The following NDUFB4 variants were observed in gnomAD, a reference collection of about 807,000 sequenced individuals.
NDUFB4 encodes the protein NADH dehydrogenase [ubiquinone] 1 beta subcomplex subunit 4.
NDUFB4 carries 10 observed loss-of-function variants against 14.5 expected under a neutral mutation model. That is an observed-to-expected ratio of 0.69 (90% CI 0.43 to 1.17). The LOEUF is 1.17. Ranked by LOEUF, NDUFB4 falls within the 50% of genes most tolerant of loss-of-function variation. The pLI, the probability that NDUFB4 is intolerant of heterozygous loss-of-function variation, is 0.00. For missense variants in NDUFB4, 165 were observed against 161.1 expected (o/e 1.02, Z -0.13); for synonymous variants, 65 against 63.4 (o/e 1.03, Z -0.12).
intron 2 of NDUFB4, chr3:120,601,982 C>T (rs531485681): frequency 1.6e-6 from 2 of 1,279,488 alleles, no homozygotes; most frequent in South Asian, 5.0e-5. Flanking sequence ...GGAGCATTTT[C>T]TTACTGTGTC....
chr3:120,601,496 A>T (rs1940063079), intron 2 of NDUFB4: 1 of 1,379,518 alleles, frequency 7.2e-7, no homozygotes, highest in African/African-American at 1.5e-5. Context: ...GATGATGTTT[A>T]TTGGGTTAAG....
intron 1 of NDUFB4, among the ~76,000 whole-genome samples, chr3:120,599,017 G>A (rs1032457975): frequency 6.6e-6 from 1 of 152,144 alleles, no homozygotes; most frequent in South Asian, 2.1e-4. Flanking sequence ...CAGGGTGGTG[G>A]CAGAAGGCGG....
At chr3:120,602,054 A>G (rs1940073080) in intron 2 of NDUFB4, 154 bp from the exon 3 acceptor site, 7 of 1,441,400 alleles carry the variant, frequency 4.9e-6, no homozygotes, top group Admixed American at 3.1e-5. Flanking sequence ...TGGGATTGCA[A>G]TTAGGTTTGG....
intron 1 of NDUFB4, 70 bp from the exon 2 acceptor site, chr3:120,601,041 G>C: frequency 7.2e-7 from 1 of 1,392,246 alleles, no homozygotes; most frequent in Non-Finnish European, 1.0e-6. Flanking sequence ...CTTCACAAAA[G>C]TCCCTATGAA....
Position 120,602,407 on chromosome 3 carries a change from C to T in NDUFB4, c.*137C>T, listed in dbSNP as rs1230231520. 5 of 767,538 alleles carry T rather than the reference C, an allele frequency of 6.5e-6. No homozygotes were observed. Among genetic ancestry groups the T allele is most frequent in the Non-Finnish European group, 1.0e-5 (5 of 490,344 alleles). The allele number at this position is 767,538 out of a possible 1,614,324, so 47.5% of individuals were successfully genotyped here. On this transcript the variant is annotated 3_prime_UTR_variant, in exon 3 of 3. Coordinates refer to ENST00000184266, the MANE Select transcript of NDUFB4 (RefSeq NM_004547.6). ...CACCCTAACAACACAGAAGCAGACG[C>T]AGCCCGTGTTGGGAATCTGCTGTCA...
chr3:120,596,480 G>T lies in NDUFB4; in HGVS notation c.121G>T (p.Ala41Ser). 3 of 1,614,030 alleles carry T rather than the reference G, an allele frequency of 1.9e-6. No individual in the cohort carries two copies. The South Asian group carries it at 3.3e-5, about 18-fold the overall frequency. The change falls in exon 1 of 3, where the codon GCC becomes TCC. Residue 41 changes from alanine (A) to serine (S), a missense_variant. Ala to Ser is a moderately conservative substitution (Grantham distance 99). Coordinates refer to ENST00000184266, the MANE Select transcript of NDUFB4 (RefSeq NM_004547.6). ...GCAAGCCGAGCGGTTGGCCATAAGA[G>T]CCCAGCTGAAACGAGAGTACCTGCT... Reference protein sequence around the residue: ...RAQAERLAIRAQLKREYLLQY... With the variant: ...RAQAERLAIRSQLKREYLLQY...
Position 120,601,200 on chromosome 3 carries a change from A to G in NDUFB4, c.270A>G (p.Gly90=). The change falls in exon 2 of 3, where the codon GGA becomes GGG. Residue 90 remains glycine (G), a synonymous_variant. Coordinates refer to ENST00000184266, the MANE Select transcript of NDUFB4 (RefSeq NM_004547.6). ...CCACTCCTAAAAACTCACTCATGGG[A>G]GCTCTGTGTGGATTTGGGCCCCTCA... ...FRPTPKNSLM[G]ALCGFGPLIF... 1.2e-6 allele frequency: 2 copies of G among 1,614,034 alleles called. No individual in the cohort carries two copies. The highest frequency in any genetic ancestry group is 1.3e-5 in the African/African-American group (1 of 75,044).
intron 1 of NDUFB4, among the ~76,000 whole-genome samples, chr3:120,600,289 A>C (rs1484687226): frequency 6.6e-6 from 1 of 151,800 alleles, no homozygotes; most frequent in East Asian, 1.9e-4. Context: ...TATATATTAA[A>C]GTCTTAAAGC....
chr3:120,601,387 C>G lies in NDUFB4; in HGVS notation c.327+130C>G, dbSNP rs866154371. On this transcript the variant is annotated intron_variant, in intron 2 of 2. Coordinates refer to ENST00000184266, the MANE Select transcript of NDUFB4 (RefSeq NM_004547.6). ...TTGGGGCTGTCCTCTGCCTTCCCTTCCTCTCTTCTTTTATCTTTATTCCTT... is the reference window on the plus strand; with the variant it reads ...TTGGGGCTGTCCTCTGCCTTCCCTTGCTCTCTTCTTTTATCTTTATTCCTT... The G allele has an allele frequency of 6.0e-6, 9 of 1,506,020 alleles. No homozygotes were observed. The African/African-American group carries it at 1.1e-4, about 19-fold the overall frequency. 93.3% of individuals were successfully genotyped at this position (1,506,020 alleles called of 1,614,324 possible).
intron 1 of NDUFB4, among the ~76,000 whole-genome samples, chr3:120,600,470 CTGAT>C: frequency 6.6e-6 from 1 of 152,186 alleles, no homozygotes; most frequent in Non-Finnish European, 1.5e-5. Flanking sequence ...TTAAGACAGT[CTGAT>C]TATTTTTCTT....
chr3:120,599,071 C>G (rs1389466736), intron 1 of NDUFB4, among the ~76,000 whole-genome samples: 3 of 152,020 alleles, frequency 2.0e-5, no homozygotes, highest in Admixed American at 2.0e-4. Flanking sequence ...GTAGAGCCAA[C>G]CAGGTTTGCT....
chr3:120,602,128 TTTTA>T (rs1940074346), intron 2 of NDUFB4, 76 bp from the exon 3 acceptor site: 6 of 1,551,080 alleles, frequency 3.9e-6, no homozygotes, highest in East Asian at 2.4e-5. Flanking sequence ...TTCTTACCTT[TTTTA>T]TTTATTTATT....
chr3:120,597,172 C>T (rs561431168), intron 1 of NDUFB4, among the ~76,000 whole-genome samples: 1 of 151,620 alleles, frequency 6.6e-6, no homozygotes, highest in South Asian at 2.1e-4. Flanking sequence ...TTCCTTCAAC[C>T]TGCATCTTTT....
intron 1 of NDUFB4, among the ~76,000 whole-genome samples, chr3:120,600,051 T>C (rs961310732): frequency 4.0e-5 from 6 of 149,908 alleles, no homozygotes; most frequent in Admixed American, 3.4e-4. Flanking sequence ...TAGTGAGTGC[T>C]TACACCGTTG....
At chr3:120,600,109 G>GTTTT (rs1186301411) in intron 1 of NDUFB4, among the ~76,000 whole-genome samples, 3 of 133,364 alleles carry the variant, frequency 2.2e-5, no homozygotes, top group Non-Finnish European at 4.9e-5. Context: ...CCATCATAAG[G>GTTTT]TTTTTTTTTT....
Position 120,596,454 on chromosome 3 carries a change from C to T in NDUFB4, c.95C>T (p.Ala32Val), listed in dbSNP as rs1385798557. 1 of 1,614,026 alleles carries T rather than the reference C, an allele frequency of 6.2e-7. No homozygotes were observed. Among genetic ancestry groups the T allele is most frequent in the Non-Finnish European group, 8.5e-7 (1 of 1,179,980 alleles). The change falls in exon 1 of 3, where the codon GCG (alanine) becomes GTG (valine). Residue 32 changes from alanine to valine, a missense_variant. Ala to Val is a moderately conservative substitution (Grantham distance 64). Transcript: ENST00000184266. Reference sequence around the variant, plus strand: ...AACATATCTCCGGAAACCCGGCGGGCGCAAGCCGAGCGGTTGGCCATAAGA... The same window carrying T: ...AACATATCTCCGGAAACCCGGCGGGTGCAAGCCGAGCGGTTGGCCATAAGA... ...EYNISPETRR[A>V]QAERLAIRAQ...
intron 2 of NDUFB4, chr3:120,601,968 A>G (rs868418893): frequency 1.1e-5 from 14 of 1,253,234 alleles, no homozygotes; most frequent in Middle Eastern, 6.1e-4. Context: ...GATGTTTTTG[A>G]ATAGGAGCAT....
chr3:120,601,113 A>G lies in NDUFB4; in HGVS notation c.183A>G (p.Glu61=). Reference sequence around the variant, plus strand: ...CTTTTTGTTTTCATTAATTTTAGGAAAATCCTGCCTTGCTTCGTTGGGCCT... The same window carrying G: ...CTTTTTGTTTTCATTAATTTTAGGAGAATCCTGCCTTGCTTCGTTGGGCCT... ...YNDPNRRGLI[E]NPALLRWAYA... The change falls in exon 2 of 3, where the codon GAA becomes GAG. Residue 61 remains glutamate (E), a splice_region_variant and synonymous_variant. Transcript: ENST00000184266. The G allele has an allele frequency of 1.9e-6, 3 of 1,601,248 alleles. No individual in the cohort carries two copies. Among genetic ancestry groups the G allele is most frequent in the Non-Finnish European group, 2.5e-6 (3 of 1,177,102 alleles).
chr3:120,601,749 A>G, intron 2 of NDUFB4: 2 of 1,017,724 alleles, frequency 2.0e-6, no homozygotes, highest in Non-Finnish European at 2.3e-6. Context: ...TGCAGCCCCC[A>G]GGCTTGTGTT....
Sources: allele counts gnomAD v4.1 joint callset (sites outside exome capture counted in the v4.1 genomes callset), GRCh38; gene constraint gnomAD v4.1.1; transcripts MANE v1.5; gene names NCBI Gene and HGNC (gene_info 2026-07-23, HGNC 2026-07-21).